Variants in KCTD8 observed in about 807,000 individuals in gnomAD.
KCTD8 encodes the protein BTB/POZ domain-containing protein KCTD8.
Under a neutral mutation model 31.5 loss-of-function variants are expected in KCTD8, and 27 were observed. That is an observed-to-expected ratio of 0.86 (90% CI 0.63 to 1.18). The LOEUF is 1.18. KCTD8 is among the 50% of genes most tolerant of loss of function. KCTD8 has a pLI of 0.00. For synonymous variants in KCTD8, 290 were observed against 280.0 expected, an observed-to-expected ratio of 1.04 and a Z score of -0.36; for missense variants, 658 against 647.7, an observed-to-expected ratio of 1.02 and a Z score of -0.17.
At position 44,350,276 on chromosome 4, in the gene KCTD8, C is replaced by T. The variant is rs1289625779; in HGVS notation, c.961+97287G>A. On this transcript the variant is annotated intron_variant, in intron 1 of 1. Transcript: ENST00000360029. ...CAACACCTTCTCAGTTATTAAAATC[C>T]TACCCATCATCTGAAGCCTTACAGT... Among the ~76,000 whole-genome samples the T allele has an allele frequency of 2.0e-5, 3 of 152,236 alleles. No individual in the cohort carries two copies. The East Asian group carries it at 5.8e-4, about 29-fold the overall frequency.
At chr4:44,329,467 C>T (rs553580661) in intron 1 of KCTD8, among the ~76,000 whole-genome samples, 1 of 151,532 alleles carries the variant, frequency 6.6e-6, no homozygotes, top group African/African-American at 2.4e-5. Context: ...TTAAAGGGTC[C>T]CTCTGTAAGC....
chr4:44,317,228 C>T (rs77359282), intron 1 of KCTD8, among the ~76,000 whole-genome samples: 34 of 36,504 alleles, frequency 9.3e-4, no homozygotes, highest in East Asian at 6.2e-3. Context: ...TGGGTGCTTT[C>T]TTTTTTTTTT....
At chr4:44,225,608 T>C (rs1714933633) in intron 1 of KCTD8, among the ~76,000 whole-genome samples, 1 of 152,146 alleles carries the variant, frequency 6.6e-6, no homozygotes, top group African/African-American at 2.4e-5. Context: ...TCACTTACAA[T>C]ACCCTTTGTA....
At chr4:44,442,458 G>A (rs918980317) in intron 1 of KCTD8, among the ~76,000 whole-genome samples, 9 of 151,944 alleles carry the variant, frequency 5.9e-5, no homozygotes, top group Non-Finnish European at 1.0e-4. Flanking sequence ...GTGGTGGCAG[G>A]TGCCTGTAAT....
chr4:44,354,675 T>C (rs1202197393), intron 1 of KCTD8, among the ~76,000 whole-genome samples: 1 of 152,096 alleles, frequency 6.6e-6, no homozygotes, highest in African/African-American at 2.4e-5. Context: ...CGTAAAATCC[T>C]CATGGGTAAG....
At chr4:44,402,442 G>T (rs1200840945) in intron 1 of KCTD8, among the ~76,000 whole-genome samples, 1 of 151,960 alleles carries the variant, frequency 6.6e-6, no homozygotes, top group Non-Finnish European at 1.5e-5. Context: ...TATATTAGAA[G>T]AAATAAAAGT....
rs1039345854 is a variant in KCTD8, at chr4:44,284,705, T to G, written c.962-109455A>C. 2.0e-5 allele frequency among the ~76,000 whole-genome samples: 3 copies of G among 152,310 alleles called. No homozygotes were observed. In the South Asian group the frequency reaches 6.2e-4, roughly 32 times the overall value. On this transcript the variant is annotated intron_variant, in intron 1 of 1. Coordinates refer to ENST00000360029, the MANE Select transcript of KCTD8 (RefSeq NM_198353.3). ...AGGCAACCTACAGAGTGGGAATACA[T>G]TTTTGCAATCTATCCATCTGACAAA...
intron 1 of KCTD8, among the ~76,000 whole-genome samples, chr4:44,366,663 T>TAGCAGC (rs35927939): frequency 1.4e-4 from 21 of 151,716 alleles, no homozygotes; most frequent in Admixed American, 7.2e-4. Context: ...TTCATCAAAT[T>TAGCAGC]AGCAGCAGCA....
chr4:44,361,806 T>C (rs148117121), intron 1 of KCTD8, among the ~76,000 whole-genome samples: 188 of 152,250 alleles, frequency 1.2e-3, no homozygotes, highest in African/African-American at 4.3e-3. Flanking sequence ...TATAGAAAGC[T>C]TTCTTTGTGT....
At chr4:44,396,038 C>T (rs907906182) in intron 1 of KCTD8, among the ~76,000 whole-genome samples, 1 of 152,110 alleles carries the variant, frequency 6.6e-6, no homozygotes, top group Non-Finnish European at 1.5e-5. Context: ...ATACAAGTCA[C>T]CATAATCTAG....
intron 1 of KCTD8, among the ~76,000 whole-genome samples, chr4:44,436,515 G>T (rs1721652278): frequency 1.3e-5 from 2 of 152,022 alleles, no homozygotes; most frequent in African/African-American, 4.8e-5. Flanking sequence ...TTAGAAATAT[G>T]ATTATGAATG....
intron 1 of KCTD8, among the ~76,000 whole-genome samples, chr4:44,303,243 T>A (rs1320633619): frequency 6.6e-6 from 1 of 152,136 alleles, no homozygotes; most frequent in African/African-American, 2.4e-5. Flanking sequence ...TAAAATGAGT[T>A]AGGGAGGATT....
chr4:44,310,137 G>A (rs1481801847), intron 1 of KCTD8, among the ~76,000 whole-genome samples: 1 of 152,092 alleles, frequency 6.6e-6, no homozygotes, highest in Non-Finnish European at 1.5e-5. Flanking sequence ...TGAAATATGT[G>A]ACATTTTAGA....
At chr4:44,175,739 C>T (rs1310849162) in intron 1 of KCTD8, among the ~76,000 whole-genome samples, 1 of 152,162 alleles carries the variant, frequency 6.6e-6, no homozygotes, top group African/African-American at 2.4e-5. Context: ...CAGTATTCTC[C>T]AGGCCCAGAG....
In KCTD8 at chr4:44,337,017, C is replaced by T. The variant is rs1207977008; in HGVS notation, c.961+110546G>A. Among the ~76,000 whole-genome samples the T allele has an allele frequency of 2.0e-5, 3 of 151,730 alleles. No individual in the cohort carries two copies. In the East Asian group the frequency reaches 5.8e-4, roughly 29 times the overall value. The stretch of plus-strand genomic sequence containing the variant: ...TGGAAAATATTTAGAGTAAATATGT[C>T]TAAAAGGGGGTTAATCCAGAAGAGG... On this transcript the variant is annotated intron_variant, in intron 1 of 1. Transcript: ENST00000360029.
intron 1 of KCTD8, among the ~76,000 whole-genome samples, chr4:44,336,859 C>A (rs1718762033): frequency 6.6e-6 from 1 of 152,014 alleles, no homozygotes; most frequent in South Asian, 2.1e-4. Context: ...AAAATTATAT[C>A]TTCACTGTAT....
chr4:44,215,334 C>A (rs1560396927), intron 1 of KCTD8, among the ~76,000 whole-genome samples: 3 of 152,002 alleles, frequency 2.0e-5, no homozygotes, highest in Non-Finnish European at 4.4e-5. Flanking sequence ...AGGATTTTTT[C>A]TATTTAAAAA....
chr4:44,320,721 G>A (rs777106149), intron 1 of KCTD8, among the ~76,000 whole-genome samples: 44 of 149,228 alleles, frequency 2.9e-4, no homozygotes, highest in Non-Finnish European at 4.9e-4. Flanking sequence ...TTTAATAAAT[G>A]AAAACAATGC....
At chr4:44,365,307 T>C (rs1398566969) in intron 1 of KCTD8, among the ~76,000 whole-genome samples, 2 of 152,108 alleles carry the variant, frequency 1.3e-5, no homozygotes, top group East Asian at 3.9e-4. Context: ...CAGAACTATG[T>C]CTAACAACAT....
Sources: allele counts gnomAD v4.1 joint callset (sites outside exome capture counted in the v4.1 genomes callset), GRCh38; gene constraint gnomAD v4.1.1; transcripts MANE v1.5; gene names NCBI Gene and HGNC (gene_info 2026-07-23, HGNC 2026-07-21).